PLAA: variants seen among roughly 807,000 people sequenced by gnomAD.
PLAA encodes phospholipase A2 activating protein.
A neutral mutation model predicts 84.1 loss-of-function variants in PLAA; 48 were observed. That is an observed-to-expected ratio of 0.57 (90% confidence interval 0.45 to 0.73). The LOEUF is 0.73. Among genes scored for constraint, PLAA ranks in the 30% least tolerant of loss-of-function variants. PLAA has a pLI of 0.00. For synonymous variants in PLAA, 392 were observed against 336.6 expected (o/e 1.16, Z -1.80); for missense variants, 903 against 954.7 (o/e 0.95, Z 0.71).
In PLAA at chr9:26,925,806, T is replaced by C. The variant is rs183448864; in HGVS notation, c.869+19A>G. 1,523 of 1,611,540 alleles carry C rather than the reference T, an allele frequency of 9.5e-4. 8 individuals are homozygous for C. The highest frequency in any genetic ancestry group is 4.0e-3 in the Middle Eastern group (24 of 6,062). ...GGCCTAGACATATAACATTTAATGA[T>C]TGACTAGAATATAAATACCTCGCAC... On this transcript the variant is annotated intron_variant, in intron 6 of 13. Coordinates refer to ENST00000397292, the MANE Select transcript of PLAA (RefSeq NM_001031689.3).
At chr9:26,935,514 T>C (rs1157668426) in intron 1 of PLAA, among the ~76,000 whole-genome samples, 2 of 152,212 alleles carry the variant, frequency 1.3e-5, no homozygotes, top group Non-Finnish European at 2.9e-5. Flanking sequence ...TCTTCACTTC[T>C]ACACATTAGT....
intron 2 of PLAA, among the ~76,000 whole-genome samples, chr9:26,930,753 T>C (rs1412645647): frequency 6.6e-6 from 1 of 151,954 alleles, no homozygotes; most frequent in Non-Finnish European, 1.5e-5. Flanking sequence ...CGGCTAATTT[T>C]TTTGTATTTA....
intron 8 of PLAA, 107 bp downstream of exon 8, chr9:26,920,119 AT>A: frequency 1.2e-6 from 1 of 835,560 alleles, no homozygotes; most frequent in Non-Finnish European, 1.9e-6. Flanking sequence ...ACAGTAATGG[AT>A]TTTTAAATGT....
At chr9:26,906,964 A>G (rs1824257462) in intron 13 of PLAA, among the ~76,000 whole-genome samples, 1 of 150,814 alleles carries the variant, frequency 6.6e-6, no homozygotes, top group Admixed American at 6.6e-5. Context: ...CCAGAATCTA[A>G]TTTTGCCACT....
chr9:26,930,142 T>C (rs1276579923), intron 2 of PLAA, among the ~76,000 whole-genome samples: 2 of 151,308 alleles, frequency 1.3e-5, no homozygotes, highest in Non-Finnish European at 3.0e-5. Flanking sequence ...TCTCGCTCTG[T>C]CGCCCAGGCT....
intron 12 of PLAA, among the ~76,000 whole-genome samples, chr9:26,909,471 C>A (rs1824333133): frequency 2.0e-5 from 3 of 152,042 alleles, no homozygotes; most frequent in Admixed American, 6.6e-5. Flanking sequence ...GTTATGTTAA[C>A]CCAATTAATT....
At position 26,946,954 on chromosome 9, in the gene PLAA, G is replaced by A. The variant is rs1029059549; in HGVS notation, c.92C>T (p.Pro31Leu). The change falls in exon 1 of 14, where the codon CCG becomes CTG. Residue 31 changes from proline (P) to leucine (L), a missense_variant. Pro to Leu is a moderately conservative substitution (Grantham distance 98). Transcript: ENST00000397292. ...TCGGGACACGGACACAAAGGCTCCC[G>A]GCGGATAGGCGCAGCACACCAGGCC... ...VRGLVCCAYPPGAFVSVSRDR... is the reference protein window; with the variant it reads ...VRGLVCCAYPLGAFVSVSRDR... 6.3e-6 allele frequency: 10 copies of A among 1,588,564 alleles called. No individual in the cohort carries two copies. Among genetic ancestry groups the A allele is most frequent in the South Asian group, 2.3e-5 (2 of 87,404 alleles).
intron 13 of PLAA, 134 bp from the exon 14 acceptor site, chr9:26,906,210 T>TA (rs953057317): frequency 3.8e-5 from 20 of 532,826 alleles, no homozygotes; most frequent in East Asian, 1.9e-4. Flanking sequence ...GTGTCTGCTT[T>TA]AAAAAAAATG....
intron 4 of PLAA, among the ~76,000 whole-genome samples, 189 bp from the exon 5 acceptor site, chr9:26,926,749 C>T (rs916123211): frequency 2.0e-5 from 3 of 151,920 alleles, no homozygotes; most frequent in Admixed American, 6.6e-5. Context: ...ATTTTTTTAT[C>T]ACCAGTCTTC....
chr9:26,916,057 C>T, intron 10 of PLAA: 1 of 985,394 alleles, frequency 1.0e-6, no homozygotes. Flanking sequence ...TTTTCATTTA[C>T]TTGTTATCAA....
At position 26,932,148 on chromosome 9, in the gene PLAA, A is replaced by G. The variant is rs566108624; in HGVS notation, c.343+2865T>C. Among the ~76,000 whole-genome samples, 5 of 152,340 alleles carry G rather than the reference A, an allele frequency of 3.3e-5. No individual in the cohort carries two copies. In the East Asian group the frequency reaches 9.6e-4, roughly 29 times the overall value. On this transcript the variant is annotated intron_variant, in intron 2 of 13. Transcript: ENST00000397292. ...CAGATGTGGACCTTATTTGGGTCAGAATTCAAATGAACTGTAAAAAAAGAT... is the reference window on the plus strand; with the variant it reads ...CAGATGTGGACCTTATTTGGGTCAGGATTCAAATGAACTGTAAAAAAAGAT...
rs1271277171 is a variant in PLAA, at chr9:26,905,707, G to A, written c.2192C>T (p.Thr731Ile). 1 of 1,614,042 alleles carries A rather than the reference G, an allele frequency of 6.2e-7. No individual in the cohort carries two copies. Among genetic ancestry groups the A allele is most frequent in the Admixed American group, 1.7e-5 (1 of 60,006 alleles). The change falls in exon 14 of 14, where the codon ACA (threonine) becomes ATA (isoleucine). Residue 731 changes from threonine to isoleucine, a missense_variant. Transcript: ENST00000397292. ...TAGGTCTTGTACTACTTCCAAGATT[G>A]TGCTAATTAGTGACAAACATTGGGC... ...GKAQCLSLIS[T>I]ILEVVQDLEA...
intron 1 of PLAA, among the ~76,000 whole-genome samples, chr9:26,944,806 G>A (rs1825637442): frequency 6.6e-6 from 1 of 152,074 alleles, no homozygotes; most frequent in African/African-American, 2.4e-5. Flanking sequence ...AATACATACA[G>A]GAATGAATTT....
intron 2 of PLAA, among the ~76,000 whole-genome samples, chr9:26,933,332 G>A (rs1399547734): frequency 6.6e-6 from 1 of 151,610 alleles, no homozygotes; most frequent in African/African-American, 2.4e-5. Context: ...CTACTCTGGA[G>A]GCTGAGGCAG....
Position 26,905,250 on chromosome 9 carries a change from T to C in PLAA, c.*261A>G, listed in dbSNP as rs1179273853. On this transcript the variant is annotated 3_prime_UTR_variant, in exon 14 of 14. Coordinates refer to ENST00000397292, the MANE Select transcript of PLAA (RefSeq NM_001031689.3). ...TGGCTAAGGTAAGGGGAAGATGTCA[T>C]TGTCATTGTGTTGTTGCTGATTATA... 7.0e-5 allele frequency: 28 copies of C among 402,818 alleles called. 1 individual carries two copies. The East Asian group carries it at 1.2e-3, about 17-fold the overall frequency. 25.0% of individuals were successfully genotyped at this position (402,818 alleles called of 1,614,324 possible). A position where few individuals can be genotyped will look rare whatever the true frequency, so the allele number is the denominator to read the frequency against.
At chr9:26,940,662 G>T (rs983662955) in intron 1 of PLAA, among the ~76,000 whole-genome samples, 1 of 152,136 alleles carries the variant, frequency 6.6e-6, no homozygotes, top group Non-Finnish European at 1.5e-5. Flanking sequence ...TTTGTGTATT[G>T]TATCACAATA....
At chr9:26,913,749 G>A in intron 11 of PLAA, 130 bp downstream of exon 11, 1 of 605,326 alleles carries the variant, frequency 1.7e-6, no homozygotes, top group Non-Finnish European at 2.9e-6. Context: ...AGCCAGACAA[G>A]TTTGGTCTCG....
In PLAA at chr9:26,919,341, A is replaced by C; in HGVS notation, c.1386T>G (p.Leu462=). 6.2e-7 allele frequency: 1 copy of C among 1,611,192 alleles called. No homozygotes were observed. Among genetic ancestry groups the C allele is most frequent in the African/African-American group, 1.3e-5 (1 of 74,964 alleles). ...IDNTKGQMLG[L]GNPSFSDPFT... is the part of the protein sequence containing the mutation. Reference sequence around the variant, plus strand: ...ATGGATCTGAAAAGCTGGGATTCCCAAGTCCCAACATTTGACCTTTTGTGT... The same window carrying C: ...ATGGATCTGAAAAGCTGGGATTCCCCAGTCCCAACATTTGACCTTTTGTGT... The change falls in exon 9 of 14, where the codon CTT becomes CTG. Residue 462 remains leucine (L), a synonymous_variant. Transcript: ENST00000397292.
Position 26,910,442 on chromosome 9 carries a change from A to T in PLAA, c.1556-3T>A. On this transcript the variant is annotated splice_polypyrimidine_tract_variant and splice_region_variant and intron_variant, in intron 11 of 13. Coordinates refer to ENST00000397292, the MANE Select transcript of PLAA (RefSeq NM_001031689.3). ...AGCTGATCGGTAGGCACTATTCCCTATTTAAAGAATAGAAGATGATGATAA... is the reference window on the plus strand; with the variant it reads ...AGCTGATCGGTAGGCACTATTCCCTTTTTAAAGAATAGAAGATGATGATAA... 6.3e-7 allele frequency: 1 copy of T among 1,596,526 alleles called. No individual in the cohort carries two copies. The highest frequency in any genetic ancestry group is 8.6e-7 in the Non-Finnish European group (1 of 1,164,684).
Sources: allele counts gnomAD v4.1 joint callset (sites outside exome capture counted in the v4.1 genomes callset), GRCh38; gene constraint gnomAD v4.1.1; transcripts MANE v1.5; gene names NCBI Gene and HGNC (gene_info 2026-07-23, HGNC 2026-07-21).